DIP2A: variants seen among roughly 807,000 people sequenced by gnomAD.
DIP2A encodes DIP2 acetate--CoA ligase A.
In DIP2A, 85 loss-of-function variants were observed where a neutral mutation model predicts 177.4. That is an observed-to-expected ratio of 0.48 (90% CI 0.40 to 0.57). The LOEUF (loss-of-function observed/expected upper bound fraction) is 0.57. DIP2A is among the 20% of genes least tolerant of loss of function. The probability of loss-of-function intolerance (pLI) is 0.00; values close to 1 mark genes in which losing one functional copy is unlikely to be tolerated. For synonymous variants in DIP2A, 886 were observed against 881.8 expected (o/e 1.00, Z -0.08); for missense variants, 1,791 against 2,100.2 (o/e 0.85, Z 2.88).
At chr21:46,479,536 C>T (rs1373680931) in intron 1 of DIP2A, among the ~76,000 whole-genome samples, 1 of 152,028 alleles carries the variant, frequency 6.6e-6, no homozygotes, top group Non-Finnish European at 1.5e-5. Flanking sequence ...TAATAATTTG[C>T]TTATTTTTTT....
chr21:46,554,399 C>A, intron 26 of DIP2A, 107 bp downstream of exon 26: 1 of 1,558,628 alleles, frequency 6.4e-7, no homozygotes. Context: ...AAACTAAGCT[C>A]AGCCCCTCCT....
chr21:46,554,443 C>G, intron 26 of DIP2A, 132 bp from the exon 27 acceptor site: 1 of 1,539,460 alleles, frequency 6.5e-7, no homozygotes, highest in Non-Finnish European at 8.8e-7. Context: ...GCTCAGCTAC[C>G]CCTGTGGAAA....
In DIP2A at chr21:46,459,146, G is replaced by C; in HGVS notation, c.15G>C (p.Gly5=). 1 of 1,515,054 alleles carries C rather than the reference G, an allele frequency of 6.6e-7. No individual in the cohort carries two copies. The highest frequency in any genetic ancestry group is 8.8e-7 in the Non-Finnish European group (1 of 1,132,616). 93.9% of individuals were successfully genotyped at this position (1,515,054 alleles called of 1,614,324 possible). ...CCGGCCTGGCCATGGCTGACCGCGG[G>C]TGCCCGCTGGAGGCGGCGCCGCTGC... The part of the protein sequence containing the change: MADR[G]CPLEAAPLPA... Residue 5 remains glycine (G), a synonymous_variant, in exon 1 of 38, where the codon GGG becomes GGC. Transcript: ENST00000417564.
the DIP2A span, among the ~76,000 whole-genome samples, chr21:46,579,959 T>A: frequency 6.6e-6 from 1 of 152,224 alleles, no homozygotes; most frequent in South Asian, 2.1e-4. Context: ...TAGATATCTA[T>A]CAGGTCTACT....
the DIP2A span, among the ~76,000 whole-genome samples, chr21:46,580,674 A>G: frequency 6.6e-6 from 1 of 152,194 alleles, no homozygotes; most frequent in Non-Finnish European, 1.5e-5. Context: ...GCTTGTCTGA[A>G]AAGGATTTTA....
Position 46,459,197 on chromosome 21 carries a change from TGAGCTGGAGCTG to T in DIP2A, c.73_84del (p.Glu25_Leu28del). ...CTGCCGAGGTGCGGGAGAGCCTGGCTGAGCTGGAGCTGGAGCTGTCGGAAGGTGAGCCGGACC... is the reference window on the plus strand; with the variant it reads ...CTGCCGAGGTGCGGGAGAGCCTGGCTGAGCTGTCGGAAGGTGAGCCGGACC... On this transcript the variant is annotated inframe_deletion, in exon 1 of 38. Coordinates refer to ENST00000417564, the MANE Select transcript of DIP2A (RefSeq NM_015151.4). The T allele has an allele frequency of 6.6e-7, 1 of 1,525,790 alleles. No individual in the cohort carries two copies. Among genetic ancestry groups the T allele is most frequent in the Non-Finnish European group, 8.8e-7 (1 of 1,137,158 alleles). The allele number at this position is 1,525,790 out of a possible 1,614,324, so 94.5% of individuals were successfully genotyped here. A position where few individuals can be genotyped will look rare whatever the true frequency, so the allele number is the denominator to read the frequency against.
chr21:46,470,492 G>A (rs1191501030), intron 1 of DIP2A, among the ~76,000 whole-genome samples: 3 of 151,652 alleles, frequency 2.0e-5, no homozygotes, highest in African/African-American at 7.3e-5. Context: ...AAAAGGGGGG[G>A]CCAGGCACGG....
intron 8 of DIP2A, among the ~76,000 whole-genome samples, chr21:46,513,450 G>T (rs1033547574): frequency 2.6e-5 from 4 of 152,054 alleles, no homozygotes; most frequent in African/African-American, 9.7e-5. Flanking sequence ...GTTGGCGGGG[G>T]GTGTTGTCAG....
At chr21:46,538,668 T>C in intron 16 of DIP2A, 66 bp downstream of exon 16, 1 of 1,517,330 alleles carries the variant, frequency 6.6e-7, no homozygotes, top group Non-Finnish European at 8.8e-7. Context: ...CAAAGTAGAA[T>C]ACACTGAGAA....
intron 6 of DIP2A, among the ~76,000 whole-genome samples, chr21:46,506,745 TTTCTTTCTTTCTTTCTTTCTTTC>T (rs1416945611): frequency 2.3e-5 from 2 of 85,248 alleles, no homozygotes; most frequent in African/African-American, 3.4e-5. Flanking sequence ...TCTTTCTTTC[TTTCTTTCTTTCTTTCTTTCTTTC>T]TTTCTTTTCT....
chr21:46,496,894 C>T (rs1404470023), intron 3 of DIP2A, 94 bp from the exon 4 acceptor site: 2 of 1,310,100 alleles, frequency 1.5e-6, no homozygotes, highest in South Asian at 1.6e-5. Context: ...ATTCCTTTTA[C>T]CCCCACTGAA....
chr21:46,494,529 A>T (rs529817407), intron 3 of DIP2A, among the ~76,000 whole-genome samples: 1 of 152,224 alleles, frequency 6.6e-6, no homozygotes, highest in Non-Finnish European at 1.5e-5. Flanking sequence ...AGATTCTGAC[A>T]TTCCTTCTTC....
chr21:46,544,822 G>T (rs2059963140), intron 18 of DIP2A, among the ~76,000 whole-genome samples: 2 of 152,170 alleles, frequency 1.3e-5, no homozygotes, highest in Non-Finnish European at 2.9e-5. Context: ...ACCCGAGAGG[G>T]CAGTATGACA....
At chr21:46,575,633 A>G in the DIP2A span, among the ~76,000 whole-genome samples, 1 of 152,236 alleles carries the variant, frequency 6.6e-6, no homozygotes, top group Non-Finnish European at 1.5e-5. Context: ...TCGAAAAGGA[A>G]ATCAGGAAAA....
At chr21:46,492,615 G>A (rs2057078442) in intron 3 of DIP2A, among the ~76,000 whole-genome samples, 3 of 152,120 alleles carry the variant, frequency 2.0e-5, no homozygotes, top group Non-Finnish European at 1.5e-5. Flanking sequence ...AGGTAATTAG[G>A]TTTAGATGAG....
intron 1 of DIP2A, among the ~76,000 whole-genome samples, chr21:46,476,146 TGAGGCAGAATGGTGTGAACCCGGGAGGCG>T (rs2055824827): frequency 6.6e-6 from 1 of 151,306 alleles, no homozygotes; most frequent in African/African-American, 2.4e-5. Context: ...CTCGGGAGGC[TGAGGCAGAATGGTGTGAACCCGGGAGGCG>T]GAGCTTGCAG....
At chr21:46,550,883 G>A (rs1006028097) in intron 23 of DIP2A, 139 bp downstream of exon 23, 7 of 886,878 alleles carry the variant, frequency 7.9e-6, no homozygotes, top group South Asian at 3.2e-5. Flanking sequence ...CAGAGCGAGT[G>A]TGCACCCCAG....
chr21:46,507,549 C>G (rs776925598), intron 6 of DIP2A, among the ~76,000 whole-genome samples: 2 of 151,950 alleles, frequency 1.3e-5, no homozygotes, highest in African/African-American at 4.8e-5. Context: ...TATTTCTGGG[C>G]TCTGGGCTCT....
At chr21:46,521,657 CT>C (rs2058830549) in intron 8 of DIP2A, among the ~76,000 whole-genome samples, 1 of 152,216 alleles carries the variant, frequency 6.6e-6, no homozygotes, top group African/African-American at 2.4e-5. Context: ...ACCCTTTACA[CT>C]TTTTGTTAAA....
Sources: gnomAD v4.1 joint callset for allele counts (sites outside exome capture counted in the v4.1 genomes callset) on GRCh38, gnomAD v4.1.1 for gene constraint, MANE v1.5 for transcripts, NCBI Gene and HGNC (gene_info 2026-07-23, HGNC 2026-07-21) for gene names.